SPECC1: variants seen among roughly 807,000 people sequenced by gnomAD.
SPECC1 encodes cytospin-B.
Under a neutral mutation model 104.1 loss-of-function variants are expected in SPECC1, and 62 were observed. The ratio of observed to expected loss-of-function variants is 0.60; its 90% CI spans 0.49 to 0.74. SPECC1 has a LOEUF of 0.74. Among genes scored for constraint, SPECC1 ranks in the 30% least tolerant of loss-of-function variants. SPECC1 has a pLI of 0.00. For missense variants in SPECC1, 1,306 were observed against 1,310.5 expected (o/e 1.00, Z 0.05); for synonymous variants, 513 against 501.6 (o/e 1.02, Z -0.30).
chr17:20,144,248 G>A (rs577440300), intron 3 of SPECC1, among the ~76,000 whole-genome samples: 1 of 134,028 alleles, frequency 7.5e-6, no homozygotes, highest in Non-Finnish European at 1.5e-5. Context: ...GCAGTGGTGC[G>A]ATCACAGCTC....
At chr17:20,131,932 G>A (rs765109536) in intron 3 of SPECC1, among the ~76,000 whole-genome samples, 9 of 152,202 alleles carry the variant, frequency 5.9e-5, no homozygotes, top group East Asian at 1.9e-4. Context: ...GATTACAGGC[G>A]TGAGCCACTG....
intron 14 of SPECC1, among the ~76,000 whole-genome samples, chr17:20,312,210 T>TAG (rs2041951158): frequency 6.6e-6 from 1 of 152,240 alleles, no homozygotes; most frequent in Non-Finnish European, 1.5e-5. Context: ...AAGTATTTGA[T>TAG]AGAATTCACA....
At chr17:20,057,150 CAGAA>C (rs2045995246) in intron 1 of SPECC1, among the ~76,000 whole-genome samples, 1 of 152,222 alleles carries the variant, frequency 6.6e-6, no homozygotes, top group African/African-American at 2.4e-5. Flanking sequence ...AACTAAAAAA[CAGAA>C]AGGTTGGCCG....
chr17:20,273,811 C>G (rs1464161743), intron 12 of SPECC1, among the ~76,000 whole-genome samples: 2 of 152,198 alleles, frequency 1.3e-5, no homozygotes, highest in East Asian at 3.8e-4. Context: ...TGTTAGTTAT[C>G]TCTTGTCCAT....
intron 2 of SPECC1, among the ~76,000 whole-genome samples, chr17:20,104,768 A>AG (rs2048115960): frequency 1.4e-5 from 2 of 144,828 alleles, no homozygotes; most frequent in South Asian, 2.1e-4. Context: ...AAAAAAAAAG[A>AG]AAAAAAAATT....
At position 20,096,715 on chromosome 17, in the gene SPECC1, G is replaced by T; in HGVS notation, c.64G>T (p.Val22Leu). 4 of 1,614,242 alleles carry T rather than the reference G, an allele frequency of 2.5e-6. No individual in the cohort carries two copies. Among genetic ancestry groups the T allele is most frequent in the Non-Finnish European group, 3.4e-6 (4 of 1,180,032 alleles). ...IRAGGHGPDR[V>L]RPLPAASSGM... The stretch of plus-strand genomic sequence containing the variant: ...AGCAGGGGGCCACGGCCCAGACCGG[G>T]TGCGGCCTCTGCCTGCAGCCTCTTC... Residue 22 changes from valine to leucine, a missense_variant, in exon 2 of 15, where the codon GTG becomes TTG. Val to Leu is a conservative substitution (Grantham distance 32, BLOSUM62 1). This residue lies in a region of SPECC1 where 1,177 missense variants were observed against 1,139.9 expected (regional missense o/e 1.03). Coordinates refer to ENST00000395527, the MANE Select transcript of SPECC1 (RefSeq NM_001243439.2).
chr17:20,035,146 A>G (rs1001081757), intron 1 of SPECC1, among the ~76,000 whole-genome samples: 4 of 152,222 alleles, frequency 2.6e-5, no homozygotes, highest in African/African-American at 7.2e-5. Context: ...GCATTGATCT[A>G]TAGCTGTCCC....
intron 4 of SPECC1, among the ~76,000 whole-genome samples, chr17:20,209,189 C>T (rs1418942317): frequency 6.6e-6 from 1 of 152,182 alleles, no homozygotes; most frequent in Non-Finnish European, 1.5e-5. Context: ...TTGCTGAGAA[C>T]TTCCAAATAT....
chr17:20,087,712 A>C (rs2047229597), intron 1 of SPECC1, among the ~76,000 whole-genome samples: 2 of 152,194 alleles, frequency 1.3e-5, no homozygotes, highest in African/African-American at 4.8e-5. Context: ...TGAACAAGGG[A>C]GGTAAAGGCC....
intron 1 of SPECC1, among the ~76,000 whole-genome samples, chr17:20,076,713 G>A (rs2046772709): frequency 1.3e-5 from 2 of 152,086 alleles, no homozygotes; most frequent in African/African-American, 4.8e-5. Flanking sequence ...GGGATTACTG[G>A]GTAAAAGGGC....
intron 10 of SPECC1, among the ~76,000 whole-genome samples, chr17:20,256,927 A>G (rs1271414816): frequency 6.6e-6 from 1 of 152,236 alleles, no homozygotes; most frequent in Non-Finnish European, 1.5e-5. Flanking sequence ...GACTAATATG[A>G]CAGCAGAAAG....
intron 7 of SPECC1, chr17:20,239,307 T>C: frequency 9.9e-7 from 1 of 1,010,580 alleles, no homozygotes; most frequent in Non-Finnish European, 1.2e-6. Flanking sequence ...TAATCTTTCT[T>C]CTCCCTCAGT....
intron 1 of SPECC1, among the ~76,000 whole-genome samples, chr17:20,084,591 A>G (rs780571678): frequency 2.0e-5 from 3 of 152,212 alleles, no homozygotes; most frequent in African/African-American, 4.8e-5. Flanking sequence ...TTTGAAGACC[A>G]TAAGTTTTAA....
rs553369781 is a variant in SPECC1 at position 20,200,948 on chromosome 17, T to A, written c.284-3385T>A. Among the ~76,000 whole-genome samples the A allele has an allele frequency of 6.6e-5, 10 of 151,644 alleles. No individual in the cohort carries two copies. In the South Asian group the frequency reaches 1.3e-3, roughly 19 times the overall value. On this transcript the variant is annotated intron_variant, in intron 3 of 14. Coordinates refer to ENST00000395527, the MANE Select transcript of SPECC1 (RefSeq NM_001243439.2). ...AACAAAAATATGGCTGGATTGTACA[T>A]TTCATAATACACATCCATTCATAAA...
intron 3 of SPECC1, among the ~76,000 whole-genome samples, chr17:20,198,912 C>G (rs2036215985): frequency 6.6e-6 from 1 of 152,112 alleles, no homozygotes; most frequent in Admixed American, 6.5e-5. Flanking sequence ...TTAATTTTCT[C>G]AGTTTTTGCA....
intron 3 of SPECC1, among the ~76,000 whole-genome samples, chr17:20,142,548 T>C (rs934288171): frequency 6.6e-6 from 1 of 152,176 alleles, no homozygotes; most frequent in Non-Finnish European, 1.5e-5. Context: ...GACATTATGC[T>C]GAGTAAAAGG....
At chr17:20,166,859 A>G (rs1366800010) in intron 3 of SPECC1, among the ~76,000 whole-genome samples, 1 of 152,020 alleles carries the variant, frequency 6.6e-6, no homozygotes, top group Non-Finnish European at 1.5e-5. Flanking sequence ...GCAAATGTCA[A>G]CACTTTGGGA....
rs1016529403 is a variant in SPECC1, at chr17:20,137,396, C to T, written c.283+26834C>T. The stretch of plus-strand genomic sequence containing the variant: ...TCCATAAGATGGAGTTAATCGTGCC[C>T]ATTACAGAGAATTGTGACAAGCAAA... On this transcript the variant is annotated intron_variant, in intron 3 of 14. Transcript: ENST00000395527. 5.9e-5 allele frequency among the ~76,000 whole-genome samples: 9 copies of T among 152,188 alleles called. No homozygotes were observed. The South Asian group carries it at 6.2e-4, about 11-fold the overall frequency.
In SPECC1 at chr17:20,318,611, AC is replaced by A; in HGVS notation, c.*4551del. On this transcript the variant is annotated 3_prime_UTR_variant, in exon 15 of 15. Transcript: ENST00000395527. ...GGAGGACTCGGGCCCATAGATGCAG[AC>A]CCCCTACCAAATCTAGCAATAGTTC... is the stretch of plus-strand genomic sequence containing the variant. The A allele has an allele frequency of 4.4e-6, 1 of 228,738 alleles. No homozygotes were observed. The highest frequency in any genetic ancestry group is 8.7e-6 in the Non-Finnish European group (1 of 115,326). The allele number at this position is 228,738 out of a possible 1,614,324, so 14.2% of individuals were successfully genotyped here. A position where few individuals can be genotyped will look rare whatever the true frequency, so the allele number is the denominator to read the frequency against.
Sources: allele counts gnomAD v4.1 joint callset (sites outside exome capture counted in the v4.1 genomes callset), GRCh38; gene constraint gnomAD v4.1.1; regional missense constraint gnomAD v4.1.1; transcripts MANE v1.5; gene names NCBI Gene and HGNC (gene_info 2026-07-23, HGNC 2026-07-21).